Variants in PHACTR1 observed in about 807,000 individuals in gnomAD.
PHACTR1 encodes the protein RPEL repeat containing 1.
Under a neutral mutation model 69.2 loss-of-function variants are expected in PHACTR1, and 16 were observed. That is an observed-to-expected ratio of 0.23 (90% CI 0.16 to 0.35). The LOEUF (loss-of-function observed/expected upper bound fraction) is 0.35. Ranked by LOEUF, PHACTR1 falls within the 10% of genes least tolerant of loss-of-function variation. The pLI is 1.00. For missense variants in PHACTR1, 510 were observed against 734.7 expected (o/e 0.69, Z 3.54); for synonymous variants, 312 against 284.5 (o/e 1.10, Z -0.97).
At chr6:12,861,595 C>G (rs572726853) in intron 4 of PHACTR1, among the ~76,000 whole-genome samples, 1 of 152,216 alleles carries the variant, frequency 6.6e-6, no homozygotes, top group Non-Finnish European at 1.5e-5. Context: ...GGTAGAGGCT[C>G]TGTGCTGTAA....
intron 4 of PHACTR1, among the ~76,000 whole-genome samples, chr6:13,035,703 T>C (rs1202396197): frequency 2.0e-5 from 3 of 152,224 alleles, no homozygotes; most frequent in Non-Finnish European, 4.4e-5. Flanking sequence ...ATTATTATTC[T>C]CATTGTAAAG....
chr6:12,825,016 C>T (rs1391410290), intron 4 of PHACTR1, among the ~76,000 whole-genome samples: 2 of 152,158 alleles, frequency 1.3e-5, no homozygotes, highest in Admixed American at 1.3e-4. Flanking sequence ...CAGTAGCTCA[C>T]ACCTGTAATC....
intron 6 of PHACTR1, among the ~76,000 whole-genome samples, chr6:13,165,704 C>T (rs1759696988): frequency 6.6e-6 from 1 of 152,094 alleles, no homozygotes; most frequent in Admixed American, 6.6e-5. Context: ...GTGATATTTT[C>T]ACAGAGACCT....
Position 12,772,330 on chromosome 6 carries a change from A to G in PHACTR1, c.250+22540A>G, listed in dbSNP as rs552372963. ...CAGAATTATTCAAACAGCATTAATT[A>G]TGTGTGCACCAATTCCAAATGTAAT... On this transcript the variant is annotated intron_variant, in intron 4 of 14. Coordinates refer to ENST00000332995, the MANE Select transcript of PHACTR1 (RefSeq NM_030948.6). Among the ~76,000 whole-genome samples, 9 of 152,322 alleles carry G rather than the reference A, an allele frequency of 5.9e-5. No homozygotes were observed. The East Asian group carries it at 1.7e-3, about 29-fold the overall frequency.
chr6:13,133,365 C>T (rs561468569), intron 5 of PHACTR1, among the ~76,000 whole-genome samples: 3 of 151,652 alleles, frequency 2.0e-5, no homozygotes, highest in South Asian at 2.1e-4. Flanking sequence ...ACTGTAATGC[C>T]GCCATCTCGG....
At chr6:13,105,465 T>C (rs76366243) in intron 5 of PHACTR1, among the ~76,000 whole-genome samples, 4,230 of 152,000 alleles carry the variant, frequency 0.028, 180 homozygotes, top group African/African-American at 0.093. Flanking sequence ...CCAAAAAGGT[T>C]TTTTCCCCCC....
At chr6:12,722,245 C>A (rs568260258) in intron 3 of PHACTR1, among the ~76,000 whole-genome samples, 2 of 152,268 alleles carry the variant, frequency 1.3e-5, no homozygotes, top group African/African-American at 4.8e-5. Context: ...GCAGATATTT[C>A]TATAGACTGA....
At chr6:12,776,487 A>G (rs1770078958) in intron 4 of PHACTR1, among the ~76,000 whole-genome samples, 1 of 152,154 alleles carries the variant, frequency 6.6e-6, no homozygotes, top group Admixed American at 6.5e-5. Flanking sequence ...TCCTGCAAAG[A>G]CTTCCACTTG....
chr6:12,835,955 T>C (rs1778111016), intron 4 of PHACTR1, among the ~76,000 whole-genome samples: 1 of 152,158 alleles, frequency 6.6e-6, no homozygotes, highest in South Asian at 2.1e-4. Flanking sequence ...TTTTAAATTT[T>C]TTTTGAAACA....
Position 12,748,783 on chromosome 6 carries a change from T to C in PHACTR1, c.104-861T>C, listed in dbSNP as rs1053093909. 3.3e-5 allele frequency among the ~76,000 whole-genome samples: 5 copies of C among 152,326 alleles called. No individual in the cohort carries two copies. In the East Asian group the frequency reaches 7.7e-4, roughly 23 times the overall value. On this transcript the variant is annotated intron_variant, in intron 3 of 14. Transcript: ENST00000332995. ...TTCGGTTAAAATGAATGAGTACTTA[T>C]GTAGAGATAACACAACCCAGAAGTT...
intron 4 of PHACTR1, among the ~76,000 whole-genome samples, chr6:12,785,689 C>T (rs909842161): frequency 4.6e-5 from 7 of 152,144 alleles, no homozygotes; most frequent in Non-Finnish European, 8.8e-5. Context: ...AAAGCAGGCC[C>T]GATCTCCCAG....
chr6:13,219,348 C>T (rs79572578), intron 8 of PHACTR1, among the ~76,000 whole-genome samples: 2,692 of 152,164 alleles, frequency 0.018, 71 homozygotes, highest in African/African-American at 0.061. Flanking sequence ...TTAGTGGGAG[C>T]GACAGGTAAT....
intron 4 of PHACTR1, chr6:12,957,477 A>G (rs2127561237): frequency 1.0e-6 from 1 of 985,382 alleles, no homozygotes; most frequent in Admixed American, 6.1e-5. Context: ...GTTGCCTCCA[A>G]TGTCAAGTAA....
At chr6:13,099,692 AC>A (rs1336167885) in intron 5 of PHACTR1, among the ~76,000 whole-genome samples, 1 of 152,240 alleles carries the variant, frequency 6.6e-6, no homozygotes, top group East Asian at 1.9e-4. Context: ...TAAAATCCAA[AC>A]ATAACTACAT....
At chr6:13,208,265 C>T (rs1161490065) in intron 8 of PHACTR1, among the ~76,000 whole-genome samples, 1 of 152,098 alleles carries the variant, frequency 6.6e-6, no homozygotes, top group African/African-American at 2.4e-5. Context: ...AAGGGTGGCC[C>T]ACAAATGGCT....
At chr6:12,764,689 G>T (rs1421660608) in intron 4 of PHACTR1, among the ~76,000 whole-genome samples, 9 of 152,124 alleles carry the variant, frequency 5.9e-5, no homozygotes, top group Admixed American at 2.6e-4. Flanking sequence ...AGATTTAGAG[G>T]CTGTACAGTC....
chr6:12,962,599 T>A (rs931361126), intron 4 of PHACTR1, among the ~76,000 whole-genome samples: 2 of 152,122 alleles, frequency 1.3e-5, no homozygotes, highest in Non-Finnish European at 2.9e-5. Flanking sequence ...CTAGAGTATA[T>A]TAATCTCAAG....
At chr6:12,985,385 G>C (rs965083993) in intron 4 of PHACTR1, among the ~76,000 whole-genome samples, 1 of 151,892 alleles carries the variant, frequency 6.6e-6, no homozygotes. Context: ...GATGCAGTTG[G>C]ATCTCCTGTA....
chr6:12,826,595 G>A (rs1447245405), intron 4 of PHACTR1, among the ~76,000 whole-genome samples: 2 of 152,110 alleles, frequency 1.3e-5, no homozygotes, highest in African/African-American at 4.8e-5. Context: ...CATTGTTATA[G>A]GGTGTCCTTG....
Sources: gnomAD v4.1 joint callset for allele counts (sites outside exome capture counted in the v4.1 genomes callset) on GRCh38, gnomAD v4.1.1 for gene constraint, MANE v1.5 for transcripts, NCBI Gene and HGNC (gene_info 2026-07-23, HGNC 2026-07-21) for gene names.